SEC23B: variants seen among roughly 807,000 people sequenced by gnomAD.
SEC23B encodes the protein SEC23 homolog B, COPII component.
In SEC23B, 77 loss-of-function variants were observed where a neutral mutation model predicts 104.3. That is an observed-to-expected ratio of 0.74 (90% CI 0.61 to 0.89). SEC23B has a LOEUF of 0.89. Ranked by LOEUF, SEC23B falls within the 40% of genes least tolerant of loss-of-function variation. The pLI is 0.00. For missense variants in SEC23B, 885 were observed against 949.4 expected (o/e 0.93, Z 0.89); for synonymous variants, 338 against 332.5 (o/e 1.02, Z -0.18).
intron 3 of SEC23B, among the ~76,000 whole-genome samples, chr20:18,514,313 G>A (rs1320553727): frequency 6.6e-6 from 1 of 152,166 alleles, no homozygotes; most frequent in Non-Finnish European, 1.5e-5. Flanking sequence ...CAGGTTGCTG[G>A]GAGGTGGCTG....
In SEC23B at chr20:18,531,778, G is replaced by A. The variant is rs111636008; in HGVS notation, c.1234-886G>A. On this transcript the variant is annotated intron_variant, in intron 10 of 19. Coordinates refer to ENST00000650089, the MANE Select transcript of SEC23B (RefSeq NM_006363.6). Reference sequence around the variant, plus strand: ...TAAAAGAGGGTGTTAGGCCAGGCACGGTGGCTCATGTCTGTAATCCCAGCA... The same window carrying A: ...TAAAAGAGGGTGTTAGGCCAGGCACAGTGGCTCATGTCTGTAATCCCAGCA... Among the ~76,000 whole-genome samples, 1,216 of 151,930 alleles carry A rather than the reference G, an allele frequency of 8.0e-3. 8 individuals are homozygous for A. Among genetic ancestry groups the A allele is most frequent in the Middle Eastern group, 0.014 (4 of 294 alleles).
chr20:18,517,777 G>A (rs934262375), intron 4 of SEC23B, among the ~76,000 whole-genome samples: 20 of 152,264 alleles, frequency 1.3e-4, no homozygotes, highest in South Asian at 2.1e-4. Flanking sequence ...AGCATTTGTC[G>A]TATAGAATTA....
At chr20:18,524,791 C>G (rs2060119850) in intron 5 of SEC23B, 122 bp downstream of exon 5, 2 of 1,188,864 alleles carry the variant, frequency 1.7e-6, no homozygotes, top group Non-Finnish European at 2.5e-6. Flanking sequence ...CTCAATGGCT[C>G]AAGCCATTGG....
intron 11 of SEC23B, among the ~76,000 whole-genome samples, chr20:18,533,994 G>A (rs1015509636): frequency 5.3e-5 from 8 of 152,182 alleles, no homozygotes; most frequent in African/African-American, 1.9e-4. Context: ...GAATGAGGAT[G>A]CAAAGAATAG....
intron 11 of SEC23B, among the ~76,000 whole-genome samples, chr20:18,533,916 A>G (rs1470243449): frequency 6.6e-6 from 1 of 152,232 alleles, no homozygotes; most frequent in Non-Finnish European, 1.5e-5. Context: ...TTAAGAAGGT[A>G]TTTTTATGAA....
intron 5 of SEC23B, 57 bp downstream of exon 5, chr20:18,524,726 G>A (rs560405243): frequency 2.1e-6 from 3 of 1,419,288 alleles, no homozygotes; most frequent in East Asian, 4.6e-5. Flanking sequence ...AAAGAGACTG[G>A]GGTCTCTTTA....
intron 19 of SEC23B, among the ~76,000 whole-genome samples, chr20:18,557,984 C>T (rs2060456815): frequency 6.6e-6 from 1 of 152,068 alleles, no homozygotes; most frequent in South Asian, 2.1e-4. Flanking sequence ...CTCCTGACCT[C>T]AGGTGATCCG....
intron 1 of SEC23B, chr20:18,509,920 A>AT (rs1456966017): frequency 8.5e-5 from 13 of 152,224 alleles, no homozygotes; most frequent in Admixed American, 4.6e-4. Context: ...AACATAAGCA[A>AT]CCGTGGTGAG....
intron 12 of SEC23B, among the ~76,000 whole-genome samples, chr20:18,541,916 A>T (rs1280295015): frequency 6.6e-6 from 1 of 152,218 alleles, no homozygotes; most frequent in African/African-American, 2.4e-5. Flanking sequence ...TAAATGAGGC[A>T]TGTCTGTGTT....
At chr20:18,521,935 A>T (rs1016115655) in intron 4 of SEC23B, among the ~76,000 whole-genome samples, 1 of 152,212 alleles carries the variant, frequency 6.6e-6, no homozygotes, top group Non-Finnish European at 1.5e-5. Flanking sequence ...TGGAGAAATC[A>T]AAAGTGCCGT....
At chr20:18,532,387 GT>G (rs1457785767) in intron 10 of SEC23B, among the ~76,000 whole-genome samples, 16 of 152,208 alleles carry the variant, frequency 1.1e-4, no homozygotes, top group Non-Finnish European at 2.1e-4. Flanking sequence ...TGTTAGAATT[GT>G]TATCTACATG....
intron 14 of SEC23B, among the ~76,000 whole-genome samples, chr20:18,545,059 A>G (rs2122134681): frequency 1.3e-5 from 2 of 152,018 alleles, no homozygotes; most frequent in Admixed American, 1.3e-4. Flanking sequence ...TGAACTTGCA[A>G]AAGTGTGTCT....
intron 8 of SEC23B, among the ~76,000 whole-genome samples, chr20:18,526,782 T>C (rs2060137844): frequency 6.6e-6 from 1 of 152,250 alleles, no homozygotes; most frequent in Non-Finnish European, 1.5e-5. Context: ...TCAGATATTT[T>C]TGAAAATGAT....
chr20:18,560,203 A>G (rs1222785467), intron 19 of SEC23B, among the ~76,000 whole-genome samples: 3 of 152,118 alleles, frequency 2.0e-5, no homozygotes, highest in South Asian at 2.1e-4. Context: ...TAATAAAATT[A>G]TAAGCTTTTT....
rs1169195688 is a variant in SEC23B, at chr20:18,554,662, C to T, written c.2148+272C>T. On this transcript the variant is annotated intron_variant, in intron 18 of 19. Coordinates refer to ENST00000650089, the MANE Select transcript of SEC23B (RefSeq NM_006363.6). ...CTAACATGGTGAAACCCCGTCTCTA[C>T]TAAAAATACAAAAAATTAGCTGGGC... is the stretch of plus-strand genomic sequence containing the variant. Among the ~76,000 whole-genome samples the T allele has an allele frequency of 7.2e-5, 11 of 152,106 alleles. No individual in the cohort carries two copies. In the South Asian group the frequency reaches 1.7e-3, roughly 23 times the overall value.
chr20:18,524,436 G>A lies in SEC23B; in HGVS notation c.370G>A (p.Gly124Ser), dbSNP rs908493085. Residue 124 changes from glycine (G) to serine (S), a missense_variant, in exon 5 of 20, where the codon GGT becomes AGT. Physicochemically the swap from Gly to Ser is moderately conservative, Grantham distance 56 (BLOSUM62 0). Transcript: ENST00000650089. ...TGCTGTTTTTCTTTGCCCAAAGCGA[G>A]GTGCTCAGTCCCCTCTGATCTTTCT... ...FSTIEYVIQR[G>S]AQSPLIFLYV... 1 of 1,612,754 alleles carries A rather than the reference G, an allele frequency of 6.2e-7. No homozygotes were observed. The highest frequency in any genetic ancestry group is 1.3e-5 in the African/African-American group (1 of 74,854).
chr20:18,536,142 C>T (rs904787455), intron 12 of SEC23B, among the ~76,000 whole-genome samples: 5 of 152,152 alleles, frequency 3.3e-5, no homozygotes, highest in Admixed American at 3.3e-4. Context: ...CTGTAATTAA[C>T]ATTTTACTCT....
In SEC23B at chr20:18,535,705, C is replaced by T. The variant is rs2060223906; in HGVS notation, c.1367C>T (p.Thr456Ile). Residue 456 changes from threonine to isoleucine, a missense_variant, in exon 12 of 20, where the codon ACA (threonine) becomes ATA (isoleucine). Coordinates refer to ENST00000650089, the MANE Select transcript of SEC23B (RefSeq NM_006363.6). ...SQWKICGLDP[T>I]STLGIYFEVV... ...TGGAAAATCTGTGGCCTAGATCCTA[C>T]ATCTACACTTGGCATCTATTTTGAA... 6.2e-7 allele frequency: 1 copy of T among 1,613,242 alleles called. No individual in the cohort carries two copies. Among genetic ancestry groups the T allele is most frequent in the African/African-American group, 1.3e-5 (1 of 74,624 alleles).
At chr20:18,553,479 C>G (rs575262311) in intron 17 of SEC23B, among the ~76,000 whole-genome samples, 4 of 152,208 alleles carry the variant, frequency 2.6e-5, no homozygotes, top group Non-Finnish European at 4.4e-5. Flanking sequence ...TGCGAAAGCA[C>G]TTCACTTTAT....
Sources: allele counts gnomAD v4.1 joint callset (sites outside exome capture counted in the v4.1 genomes callset), GRCh38; gene constraint gnomAD v4.1.1; transcripts MANE v1.5; gene names NCBI Gene and HGNC (gene_info 2026-07-23, HGNC 2026-07-21).